SNTG1: variants seen among roughly 807,000 people sequenced by gnomAD.
SNTG1 encodes gamma-1-syntrophin.
In SNTG1, 39 loss-of-function variants were observed where a neutral mutation model predicts 74.7. The observed-to-expected ratio is 0.52, with a 90% CI of 0.40 to 0.68. The LOEUF (loss-of-function observed/expected upper bound fraction) is 0.68. SNTG1 is among the 30% of genes least tolerant of loss of function. The pLI is 0.00. For synonymous variants in SNTG1, 254 were observed against 217.1 expected (o/e 1.17, Z -1.49); for missense variants, 685 against 609.5 (o/e 1.12, Z -1.30).
At chr8:50,046,521 T>A (rs1819098914) in intron 1 of SNTG1, among the ~76,000 whole-genome samples, 1 of 152,220 alleles carries the variant, frequency 6.6e-6, no homozygotes, top group Non-Finnish European at 1.5e-5. Flanking sequence ...AAGTTAATTC[T>A]ACTCTTTTTT....
At chr8:50,535,374 A>C (rs781001050) in intron 10 of SNTG1, among the ~76,000 whole-genome samples, 2 of 152,162 alleles carry the variant, frequency 1.3e-5, no homozygotes, top group Non-Finnish European at 2.9e-5. Flanking sequence ...CCACCTGTAC[A>C]GCTGACATGA....
At chr8:49,994,806 G>A (rs1814049929) in intron 1 of SNTG1, among the ~76,000 whole-genome samples, 1 of 151,992 alleles carries the variant, frequency 6.6e-6, no homozygotes. Flanking sequence ...CACTGAATGG[G>A]CTAAAGGGTA....
At chr8:50,276,597 C>T (rs2088128316) in intron 2 of SNTG1, among the ~76,000 whole-genome samples, 1 of 151,814 alleles carries the variant, frequency 6.6e-6, no homozygotes, top group Admixed American at 6.6e-5. Context: ...AAACCCTAAG[C>T]CTAAATCTAT....
At chr8:50,176,332 A>G (rs898520) in intron 2 of SNTG1, among the ~76,000 whole-genome samples, 46,294 of 152,018 alleles carry the variant, frequency 0.3, 7,184 homozygotes, top group South Asian at 0.43. Context: ...AGAATCATTG[A>G]CTTCACTTGG....
In SNTG1 at chr8:50,260,381, C is replaced by A. The variant is rs545070187; in HGVS notation, c.-28+87746C>A. Among the ~76,000 whole-genome samples, 682 of 152,188 alleles carry A rather than the reference C, an allele frequency of 4.5e-3. 6 individuals are homozygous for A. Among genetic ancestry groups the A allele is most frequent in the African/African-American group, 0.016 (654 of 41,544 alleles). On this transcript the variant is annotated intron_variant, in intron 2 of 18. Coordinates refer to ENST00000642720, the MANE Select transcript of SNTG1 (RefSeq NM_018967.5). ...GATTTGTTAAGTCACAACACAGAGG[C>A]ACAAGCTCACTAAAAAACAGAACTA...
rs573729282 is a variant in SNTG1, at chr8:50,573,330, G to A, written c.811-17549G>A. Among the ~76,000 whole-genome samples, 18 of 152,058 alleles carry A rather than the reference G, an allele frequency of 1.2e-4. No homozygotes were observed. The Middle Eastern group carries it at 0.014, about 122-fold the overall frequency. Reference sequence around the variant, plus strand: ...ACAGGACAATATTTAAAACAAATGTGCACTTCTGTTTCTTAAATTTTTTAA... The same window carrying A: ...ACAGGACAATATTTAAAACAAATGTACACTTCTGTTTCTTAAATTTTTTAA... On this transcript the variant is annotated intron_variant, in intron 12 of 18. Transcript: ENST00000642720.
intron 18 of SNTG1, among the ~76,000 whole-genome samples, chr8:50,777,375 C>A (rs957578920): frequency 6.7e-6 from 1 of 150,338 alleles, no homozygotes; most frequent in African/African-American, 2.4e-5. Flanking sequence ...ACTGACTCTT[C>A]TGTTCTCTTC....
At chr8:50,515,120 G>C (rs1217050760) in intron 9 of SNTG1, among the ~76,000 whole-genome samples, 1 of 152,148 alleles carries the variant, frequency 6.6e-6, no homozygotes, top group African/African-American at 2.4e-5. Context: ...AATATAAAGA[G>C]AGTCTGTAGT....
At chr8:50,161,726 A>G (rs1352450431) in intron 1 of SNTG1, among the ~76,000 whole-genome samples, 2 of 152,078 alleles carry the variant, frequency 1.3e-5, no homozygotes, top group Non-Finnish European at 2.9e-5. Flanking sequence ...TGAGGGAAGC[A>G]TTCCCACAAA....
chr8:49,971,528 A>G (rs1366884601), intron 1 of SNTG1, among the ~76,000 whole-genome samples: 3 of 152,082 alleles, frequency 2.0e-5, no homozygotes, highest in South Asian at 2.1e-4. Context: ...AAATAGGCAG[A>G]AGAAGGAAAT....
At chr8:50,412,812 G>C (rs2092966146) in intron 4 of SNTG1, among the ~76,000 whole-genome samples, 1 of 152,148 alleles carries the variant, frequency 6.6e-6, no homozygotes, top group African/African-American at 2.4e-5. Context: ...AATCAAGGAT[G>C]GTTTAGTCAT....
At chr8:50,668,573 C>T (rs548017862) in intron 15 of SNTG1, among the ~76,000 whole-genome samples, 2 of 151,056 alleles carry the variant, frequency 1.3e-5, no homozygotes, top group East Asian at 3.9e-4. Flanking sequence ...GCAAAATGTG[C>T]AGGTTTCTTA....
intron 1 of SNTG1, among the ~76,000 whole-genome samples, chr8:50,158,483 C>T (rs923701037): frequency 3.3e-5 from 5 of 152,118 alleles, no homozygotes; most frequent in Admixed American, 6.6e-5. Flanking sequence ...ACACACAGGA[C>T]TTCTATTTAG....
intron 1 of SNTG1, among the ~76,000 whole-genome samples, chr8:49,957,710 T>C (rs1226850918): frequency 2.0e-5 from 3 of 152,168 alleles, no homozygotes; most frequent in Non-Finnish European, 4.4e-5. Context: ...TGCCCTTTGG[T>C]TGGGTTTTGG....
chr8:49,958,018 A>T (rs1181132855), intron 1 of SNTG1, among the ~76,000 whole-genome samples: 2 of 152,214 alleles, frequency 1.3e-5, no homozygotes, highest in East Asian at 3.8e-4. Context: ...TAAAAAAAAA[A>T]TTCTGCTGTC....
chr8:50,435,145 A>G (rs2093287668), intron 4 of SNTG1, among the ~76,000 whole-genome samples: 1 of 152,038 alleles, frequency 6.6e-6, no homozygotes, highest in African/African-American at 2.4e-5. Flanking sequence ...TTTTTGTAAC[A>G]TTGATGTTGA....
At chr8:49,990,849 A>G (rs963537625) in intron 1 of SNTG1, among the ~76,000 whole-genome samples, 1 of 152,184 alleles carries the variant, frequency 6.6e-6, no homozygotes, top group African/African-American at 2.4e-5. Flanking sequence ...CTTAGAAGAA[A>G]ACATAGAAGG....
chr8:50,177,745 C>T (rs1443323089), intron 2 of SNTG1, among the ~76,000 whole-genome samples: 1 of 152,202 alleles, frequency 6.6e-6, no homozygotes, highest in Admixed American at 6.5e-5. Flanking sequence ...AATTTGCCTA[C>T]ATTCAAATGA....
intron 12 of SNTG1, among the ~76,000 whole-genome samples, chr8:50,563,642 T>C (rs2094500203): frequency 6.6e-6 from 1 of 152,074 alleles, no homozygotes; most frequent in Non-Finnish European, 1.5e-5. Flanking sequence ...TACAGAAAAA[T>C]ACAGTGTAGC....
Sources: gnomAD v4.1 joint callset for allele counts (sites outside exome capture counted in the v4.1 genomes callset) on GRCh38, gnomAD v4.1.1 for gene constraint, MANE v1.5 for transcripts, NCBI Gene and HGNC (gene_info 2026-07-23, HGNC 2026-07-21) for gene names.